Variants in PCSK5 observed in about 807,000 individuals in gnomAD.
The protein encoded by PCSK5 is proprotein convertase subtilisin/kexin type 5.
Under a neutral mutation model 233.2 loss-of-function variants are expected in PCSK5, and 129 were observed. That is an observed-to-expected ratio of 0.55 (90% confidence interval 0.48 to 0.64). PCSK5 has a LOEUF of 0.64. Ranked by LOEUF, PCSK5 falls within the 30% of genes least tolerant of loss-of-function variation. The probability of loss-of-function intolerance (pLI) is 0.00; values close to 1 mark genes in which losing one functional copy is unlikely to be tolerated. For missense variants in PCSK5, 2,076 were observed against 2,430.1 expected (o/e 0.85, Z 3.06); for synonymous variants, 825 against 879.2 (o/e 0.94, Z 1.09).
intron 33 of PCSK5, among the ~76,000 whole-genome samples, chr9:76,328,887 C>T (rs899048705): frequency 6.6e-5 from 10 of 151,750 alleles, no homozygotes; most frequent in Admixed American, 3.3e-4. Flanking sequence ...CGGCTCACTG[C>T]AACCTCTGAC....
At chr9:76,318,477 G>T (rs1829095227) in intron 30 of PCSK5, among the ~76,000 whole-genome samples, 1 of 148,284 alleles carries the variant, frequency 6.7e-6, no homozygotes, top group Non-Finnish European at 1.5e-5. Context: ...AAAAAAAAAA[G>T]AAAAAAGAAA....
At chr9:76,057,583 A>G (rs931196276) in intron 5 of PCSK5, among the ~76,000 whole-genome samples, 2 of 152,218 alleles carry the variant, frequency 1.3e-5, no homozygotes, top group Non-Finnish European at 2.9e-5. Context: ...AATGGTTCAT[A>G]TAATATGGTG....
chr9:76,282,228 C>T (rs1827898325), intron 24 of PCSK5, among the ~76,000 whole-genome samples: 1 of 145,168 alleles, frequency 6.9e-6, no homozygotes, highest in Non-Finnish European at 1.5e-5. Context: ...AGTGATCCTC[C>T]CACCTCATCC....
rs184718290 is a variant in PCSK5, at chr9:76,249,148, T to C, written c.3142+8464T>C. ...GCTTCCATGAAACACTTGTCGATGT[T>C]TCAGACAGTTTTGATTGTCGTGACT... On this transcript the variant is annotated intron_variant, in intron 24 of 37. Transcript: ENST00000674117. Among the ~76,000 whole-genome samples the C allele has an allele frequency of 7.0e-3, 1,070 of 152,322 alleles. 12 individuals carry two copies. Among genetic ancestry groups the C allele is most frequent in the African/African-American group, 0.025 (1,025 of 41,562 alleles).
At chr9:76,205,843 C>T (rs1443165583) in intron 20 of PCSK5, among the ~76,000 whole-genome samples, 1 of 152,178 alleles carries the variant, frequency 6.6e-6, no homozygotes, top group Non-Finnish European at 1.5e-5. Flanking sequence ...CTTCACCTCC[C>T]TCCTAAACCC....
chr9:76,253,776 G>T (rs902282963), intron 24 of PCSK5, among the ~76,000 whole-genome samples: 1 of 152,226 alleles, frequency 6.6e-6, no homozygotes, highest in African/African-American at 2.4e-5. Context: ...GTTGAAATGT[G>T]ACCAATTTTA....
chr9:76,141,581 T>C (rs1286465144), intron 10 of PCSK5, among the ~76,000 whole-genome samples: 2 of 152,168 alleles, frequency 1.3e-5, no homozygotes, highest in African/African-American at 4.8e-5. Context: ...AGTCGAGTTA[T>C]AGAAACCTCT....
At chr9:75,899,550 C>G (rs1193857935) in intron 1 of PCSK5, among the ~76,000 whole-genome samples, 1 of 152,184 alleles carries the variant, frequency 6.6e-6, no homozygotes, top group East Asian at 1.9e-4. Context: ...TCTCCTCACC[C>G]CGGTAGTCAC....
intron 30 of PCSK5, 139 bp downstream of exon 30, chr9:76,310,990 G>A: frequency 1.7e-6 from 1 of 591,228 alleles, no homozygotes; most frequent in Non-Finnish European, 2.9e-6. Context: ...GACTGACATG[G>A]GTGTGCGCCA....
intron 2 of PCSK5, among the ~76,000 whole-genome samples, chr9:75,957,145 C>A (rs1021926150): frequency 6.6e-6 from 1 of 152,054 alleles, no homozygotes; most frequent in Non-Finnish European, 1.5e-5. Context: ...TTGCTGTATA[C>A]CCACCTTTTT....
Position 76,121,999 on chromosome 9 carries a change from A to G in PCSK5, c.1209-12110A>G, listed in dbSNP as rs1384576069. Among the ~76,000 whole-genome samples the G allele has an allele frequency of 7.7e-5, 8 of 103,338 alleles. 3 individuals are homozygous for G. The South Asian group carries it at 1.6e-3, about 21-fold the overall frequency. The allele number at this position is 103,338 out of a possible 152,430, so 67.8% of individuals were successfully genotyped here. On this transcript the variant is annotated intron_variant, in intron 9 of 37. Transcript: ENST00000674117. ...CCACTACGCCCGGCTAATTTTTTGT[A>G]TTTTTAGTAGAGACGGGGTTTCACC...
At chr9:76,282,051 C>T (rs1827883730) in intron 24 of PCSK5, among the ~76,000 whole-genome samples, 2 of 140,524 alleles carry the variant, frequency 1.4e-5, no homozygotes, top group Admixed American at 1.5e-4. Context: ...AAGGATGCAC[C>T]ATTTTTTTCT....
intron 24 of PCSK5, among the ~76,000 whole-genome samples, chr9:76,253,363 G>C (rs1381043770): frequency 6.6e-6 from 1 of 151,758 alleles, no homozygotes; most frequent in Non-Finnish European, 1.5e-5. Context: ...AAACAGTTCT[G>C]TCTTTAAAAA....
At chr9:76,271,292 C>T (rs1216055757) in intron 24 of PCSK5, among the ~76,000 whole-genome samples, 4 of 152,144 alleles carry the variant, frequency 2.6e-5, no homozygotes, top group Admixed American at 6.5e-5. Flanking sequence ...CTCTGAACTG[C>T]GAACTTCCTA....
chr9:76,238,554 A>G (rs896672319), intron 22 of PCSK5, among the ~76,000 whole-genome samples: 32 of 152,266 alleles, frequency 2.1e-4, no homozygotes, highest in Admixed American at 1.4e-3. Flanking sequence ...GTCGATCATT[A>G]TGCATGTGTT....
chr9:76,282,351 TC>T (rs775403416), intron 24 of PCSK5, among the ~76,000 whole-genome samples: 2,847 of 88,178 alleles, frequency 0.032, 119 homozygotes, highest in African/African-American at 0.12. Context: ...TTTTCTTCTG[TC>T]TTTTTTTTTT....
At chr9:76,260,834 T>C (rs564275665) in intron 24 of PCSK5, among the ~76,000 whole-genome samples, 35 of 152,318 alleles carry the variant, frequency 2.3e-4, no homozygotes, top group African/African-American at 8.2e-4. Flanking sequence ...GAAAACTATT[T>C]AACTATTACA....
intron 3 of PCSK5, among the ~76,000 whole-genome samples, chr9:76,003,292 G>C (rs1587484242): frequency 6.6e-6 from 1 of 152,188 alleles, no homozygotes; most frequent in Non-Finnish European, 1.5e-5. Context: ...AGTATCACTT[G>C]AACCTGGGAA....
intron 6 of PCSK5, among the ~76,000 whole-genome samples, chr9:76,070,142 A>G (rs1035320413): frequency 5.9e-5 from 9 of 151,918 alleles, no homozygotes; most frequent in Non-Finnish European, 1.2e-4. Flanking sequence ...CTGGGAATAT[A>G]GGTGCCCACC....
Sources: gnomAD v4.1 joint callset for allele counts (sites outside exome capture counted in the v4.1 genomes callset) on GRCh38, gnomAD v4.1.1 for gene constraint, MANE v1.5 for transcripts, NCBI Gene and HGNC (gene_info 2026-07-23, HGNC 2026-07-21) for gene names.